DAAM1: variants seen among roughly 807,000 people sequenced by gnomAD.
The protein encoded by DAAM1 is dishevelled associated activator of morphogenesis 1.
A neutral mutation model predicts 130.0 loss-of-function variants in DAAM1; 52 were observed. The observed-to-expected ratio is 0.40, with a 90% CI of 0.32 to 0.50. The LOEUF is 0.50. Ranked by LOEUF, DAAM1 falls within the 20% of genes least tolerant of loss-of-function variation. DAAM1 has a pLI of 0.61. For missense variants in DAAM1, 1,134 were observed against 1,303.8 expected (o/e 0.87, Z 2.01); for synonymous variants, 452 against 444.5 (o/e 1.02, Z -0.21).
intron 3 of DAAM1, among the ~76,000 whole-genome samples, chr14:59,303,096 A>C (rs1047483545): frequency 6.6e-6 from 1 of 152,238 alleles, no homozygotes; most frequent in Admixed American, 6.5e-5. Flanking sequence ...CAACAGTGCT[A>C]TGGTGGAACC....
chr14:59,338,430 C>T, intron 15 of DAAM1: 1 of 1,613,090 alleles, frequency 6.2e-7, no homozygotes, highest in East Asian at 2.2e-5. Context: ...TGAGCTACTA[C>T]CTAAAGCTTG....
intron 1 of DAAM1, among the ~76,000 whole-genome samples, chr14:59,236,061 A>C (rs547366442): frequency 3.2e-4 from 49 of 152,260 alleles, no homozygotes; most frequent in African/African-American, 1.1e-3. Context: ...TAATGAGAAG[A>C]GCCCTAAATT....
At position 59,323,189 on chromosome 14, in the gene DAAM1, C is replaced by G. The variant is rs1164038537; in HGVS notation, c.738C>G (p.His246Gln). The change falls in exon 6 of 25, where the codon CAC becomes CAG. Residue 246 changes from histidine to glutamine, a missense_variant. This residue lies in a region of DAAM1 where 391 missense variants were observed against 521.6 expected (regional missense o/e 0.75). Coordinates refer to ENST00000360909, the MANE Select transcript of DAAM1 (RefSeq NM_001270520.2). The part of the protein sequence containing the change: ...GHKKVLQAML[H>Q]YQKYASERTR... ...AGAAGGTTCTGCAGGCCATGCTGCA[C>G]TACCAGAAGTATGCCAGCGAAAGGA... 1 of 1,612,812 alleles carries G rather than the reference C, an allele frequency of 6.2e-7. No homozygotes were observed. Among genetic ancestry groups the G allele is most frequent in the Non-Finnish European group, 8.5e-7 (1 of 1,179,194 alleles).
chr14:59,366,436 G>T (rs1886918645), intron 23 of DAAM1, among the ~76,000 whole-genome samples: 1 of 152,070 alleles, frequency 6.6e-6, no homozygotes, highest in Non-Finnish European at 1.5e-5. Flanking sequence ...GCTCCCATTT[G>T]CTTTCTATAT....
intron 1 of DAAM1, among the ~76,000 whole-genome samples, chr14:59,235,217 GGC>G (rs1889254598): frequency 6.6e-6 from 1 of 152,170 alleles, no homozygotes; most frequent in South Asian, 2.1e-4. Context: ...CAGAAGGAAT[GGC>G]ACCACCTCAT....
chr14:59,353,098 C>T (rs1331515898), intron 18 of DAAM1, among the ~76,000 whole-genome samples: 3 of 152,190 alleles, frequency 2.0e-5, no homozygotes, highest in Non-Finnish European at 4.4e-5. Flanking sequence ...ATGACACATG[C>T]AGACATCACT....
chr14:59,345,810 C>T (rs1886055445), intron 16 of DAAM1, among the ~76,000 whole-genome samples: 1 of 152,140 alleles, frequency 6.6e-6, no homozygotes, highest in Non-Finnish European at 1.5e-5. Flanking sequence ...ATAAGGACCT[C>T]ATCTTCTATT....
At chr14:59,306,947 T>C (rs1472965662) in intron 3 of DAAM1, among the ~76,000 whole-genome samples, 1 of 152,138 alleles carries the variant, frequency 6.6e-6, no homozygotes, top group Non-Finnish European at 1.5e-5. Flanking sequence ...GAGCAAGAGC[T>C]TTGGGCCAGC....
chr14:59,327,082 T>C, intron 12 of DAAM1, 91 bp downstream of exon 12: 1 of 1,431,414 alleles, frequency 7.0e-7, no homozygotes, highest in South Asian at 1.2e-5. Flanking sequence ...TTGATGTTTC[T>C]TGTTAGCTTG....
chr14:59,192,510 G>A (rs1049713109), intron 1 of DAAM1, among the ~76,000 whole-genome samples: 1 of 152,314 alleles, frequency 6.6e-6, no homozygotes, highest in South Asian at 2.1e-4. Context: ...GGTATTTCCA[G>A]TGTTAAGTCT....
chr14:59,208,668 G>A (rs1035475674), intron 1 of DAAM1, among the ~76,000 whole-genome samples: 11 of 152,000 alleles, frequency 7.2e-5, no homozygotes, highest in African/African-American at 2.4e-4. Context: ...CCATGAATAG[G>A]CATCAATATC....
chr14:59,190,714 T>C (rs1224044456), intron 1 of DAAM1, among the ~76,000 whole-genome samples: 1 of 152,172 alleles, frequency 6.6e-6, no homozygotes, highest in Admixed American at 6.5e-5. Flanking sequence ...GTCTTCTCTT[T>C]GGTAATGTGA....
At chr14:59,237,322 A>G (rs534814983) in intron 1 of DAAM1, among the ~76,000 whole-genome samples, 49 of 152,320 alleles carry the variant, frequency 3.2e-4, no homozygotes, top group Admixed American at 9.2e-4. Flanking sequence ...GGTGGAATAC[A>G]TATTAGAGGC....
intron 1 of DAAM1, among the ~76,000 whole-genome samples, chr14:59,200,006 A>G (rs181502006): frequency 6.6e-6 from 1 of 152,334 alleles, no homozygotes; most frequent in African/African-American, 2.4e-5. Flanking sequence ...TTAGGGATAA[A>G]TTGGAATTCA....
intron 17 of DAAM1, among the ~76,000 whole-genome samples, chr14:59,348,151 G>A (rs769160056): frequency 3.3e-5 from 5 of 152,098 alleles, no homozygotes; most frequent in Admixed American, 6.5e-5. Flanking sequence ...CTTAACCTCC[G>A]TACATTGTAC....
chr14:59,192,272 C>A (rs1193803232), intron 1 of DAAM1, among the ~76,000 whole-genome samples: 1 of 151,540 alleles, frequency 6.6e-6, no homozygotes, highest in African/African-American at 2.4e-5. Flanking sequence ...TGTTTACAAG[C>A]AAAAGTTCTG....
intron 2 of DAAM1, among the ~76,000 whole-genome samples, chr14:59,272,969 T>A (rs538667518): frequency 6.6e-6 from 1 of 152,310 alleles, no homozygotes; most frequent in South Asian, 2.1e-4. Context: ...GATATTGACA[T>A]AAGTGGTTTT....
At chr14:59,293,123 C>G (rs1021954932) in intron 3 of DAAM1, among the ~76,000 whole-genome samples, 1 of 152,080 alleles carries the variant, frequency 6.6e-6, no homozygotes, top group South Asian at 2.1e-4. Flanking sequence ...TATTTTGGCT[C>G]ATCCTAGTGT....
At chr14:59,346,771 T>G (rs1376833862) in intron 16 of DAAM1, among the ~76,000 whole-genome samples, 5 of 152,230 alleles carry the variant, frequency 3.3e-5, no homozygotes, top group African/African-American at 1.2e-4. Flanking sequence ...AGTCAATACT[T>G]TGTTGTTCTG....
Sources: allele counts gnomAD v4.1 joint callset (sites outside exome capture counted in the v4.1 genomes callset), GRCh38; gene constraint gnomAD v4.1.1; regional missense constraint gnomAD v4.1.1; transcripts MANE v1.5; gene names NCBI Gene and HGNC (gene_info 2026-07-23, HGNC 2026-07-21).